LRRC7: variants seen among roughly 807,000 people sequenced by gnomAD.
The protein encoded by LRRC7 is leucine rich repeat containing 7, also known as leucine-rich repeat-containing protein 7.
In LRRC7, 23 loss-of-function variants were observed where a neutral mutation model predicts 175.7. The ratio of observed to expected loss-of-function variants is 0.13; its 90% CI spans 0.09 to 0.19. The LOEUF (loss-of-function observed/expected upper bound fraction) is 0.19. Ranked by LOEUF, LRRC7 falls within the 10% of genes least tolerant of loss-of-function variation. The probability of loss-of-function intolerance (pLI) is 1.00; values close to 1 mark genes in which losing one functional copy is unlikely to be tolerated. For missense variants in LRRC7, 1,354 were observed against 1,904.7 expected (o/e 0.71, Z 5.38); for synonymous variants, 685 against 680.9 (o/e 1.01, Z -0.09).
At chr1:69,809,437 A>G (rs1352809414) in intron 4 of LRRC7, among the ~76,000 whole-genome samples, 4 of 152,204 alleles carry the variant, frequency 2.6e-5, no homozygotes, top group Non-Finnish European at 5.9e-5. Flanking sequence ...AGCCAGCATC[A>G]TCCTGATACC....
intron 1 of LRRC7, among the ~76,000 whole-genome samples, chr1:69,663,737 C>T (rs1297936961): frequency 4.8e-5 from 4 of 83,626 alleles, no homozygotes; most frequent in African/African-American, 2.0e-4. Flanking sequence ...TTTTTTGAGA[C>T]GGAGTCTCGC....
chr1:69,938,509 A>G (rs989978133), intron 8 of LRRC7, among the ~76,000 whole-genome samples: 4 of 152,202 alleles, frequency 2.6e-5, no homozygotes, highest in African/African-American at 9.6e-5. Flanking sequence ...TTCCTAGAAT[A>G]GAGATATTCT....
At position 69,645,360 on chromosome 1, in the gene LRRC7, G is replaced by A. The variant is rs533975117; in HGVS notation, c.3-33021G>A. ...ACTATAAAATACTTACTTATATGGT[G>A]GGCCTTCACCATATAGAGGCTCAGG... On this transcript the variant is annotated intron_variant, in intron 1 of 26. Coordinates refer to ENST00000651989, the MANE Select transcript of LRRC7 (RefSeq NM_001370785.2). Among the ~76,000 whole-genome samples the A allele has an allele frequency of 2.6e-4, 39 of 152,068 alleles. No homozygotes were observed. The East Asian group carries it at 5.0e-3, about 20-fold the overall frequency.
chr1:69,824,717 G>T (rs1191090547), intron 4 of LRRC7, among the ~76,000 whole-genome samples: 3 of 152,196 alleles, frequency 2.0e-5, no homozygotes, highest in Admixed American at 2.0e-4. Context: ...TTTGTTTCTT[G>T]AGTATCCATC....
intron 7 of LRRC7, among the ~76,000 whole-genome samples, chr1:69,899,034 C>A: frequency 6.6e-6 from 1 of 152,122 alleles, no homozygotes; most frequent in Non-Finnish European, 1.5e-5. Context: ...TGGGATTGGG[C>A]ATTCTCTGAA....
intron 7 of LRRC7, among the ~76,000 whole-genome samples, chr1:69,841,116 G>A (rs984513543): frequency 6.6e-6 from 1 of 152,032 alleles, no homozygotes; most frequent in African/African-American, 2.4e-5. Context: ...GCTTGAATGG[G>A]CTAGGGTTTG....
chr1:69,955,694 A>T (rs1650418404), intron 8 of LRRC7, among the ~76,000 whole-genome samples: 1 of 152,036 alleles, frequency 6.6e-6, no homozygotes, highest in Admixed American at 6.6e-5. Context: ...CTCAAAACTC[A>T]TTGCTCATCT....
intron 7 of LRRC7, among the ~76,000 whole-genome samples, chr1:69,901,933 A>T (rs1026614207): frequency 6.6e-6 from 1 of 152,110 alleles, no homozygotes; most frequent in Non-Finnish European, 1.5e-5. Context: ...TAGTACTCTG[A>T]CTTCTGGGTA....
At chr1:70,074,417 T>C (rs755998072) in intron 23 of LRRC7, among the ~76,000 whole-genome samples, 1 of 152,178 alleles carries the variant, frequency 6.6e-6, no homozygotes, top group Non-Finnish European at 1.5e-5. Context: ...GGCTGCAATA[T>C]CTTCTTTCAT....
intron 8 of LRRC7, among the ~76,000 whole-genome samples, chr1:69,952,219 C>T (rs1267141909): frequency 1.3e-5 from 2 of 152,064 alleles, no homozygotes; most frequent in Non-Finnish European, 2.9e-5. Flanking sequence ...TCTAATTTAA[C>T]TTCCACAAAA....
chr1:69,800,979 CTATT>C (rs1270845974), intron 4 of LRRC7, among the ~76,000 whole-genome samples: 1 of 151,698 alleles, frequency 6.6e-6, no homozygotes, highest in African/African-American at 2.4e-5. Context: ...TTTTCTCTAT[CTATT>C]GAGATGATCA....
At chr1:69,799,430 A>C (rs755923801) in intron 4 of LRRC7, among the ~76,000 whole-genome samples, 1 of 152,054 alleles carries the variant, frequency 6.6e-6, no homozygotes, top group Non-Finnish European at 1.5e-5. Context: ...CACACTGTTT[A>C]GCTTCTGCTT....
chr1:69,925,709 G>A (rs914153521), intron 7 of LRRC7, among the ~76,000 whole-genome samples: 1 of 151,934 alleles, frequency 6.6e-6, no homozygotes, highest in African/African-American at 2.4e-5. Flanking sequence ...TATTAGTCTT[G>A]CTAGCGGTCT....
At chr1:69,671,971 T>C (rs919306432) in intron 1 of LRRC7, among the ~76,000 whole-genome samples, 2 of 152,128 alleles carry the variant, frequency 1.3e-5, no homozygotes, top group Admixed American at 1.3e-4. Context: ...GCACTGTGAG[T>C]GTTCACCTGG....
intron 7 of LRRC7, among the ~76,000 whole-genome samples, chr1:69,915,537 G>C (rs1216362741): frequency 6.6e-6 from 1 of 152,074 alleles, no homozygotes; most frequent in African/African-American, 2.4e-5. Context: ...ACATAAACAG[G>C]AAGTAGTTTA....
intron 7 of LRRC7, among the ~76,000 whole-genome samples, chr1:69,872,896 CTA>C (rs1342549854): frequency 2.0e-5 from 3 of 152,084 alleles, no homozygotes; most frequent in Admixed American, 6.6e-5. Flanking sequence ...TTTTCAAACA[CTA>C]TGGAGATTAA....
intron 1 of LRRC7, among the ~76,000 whole-genome samples, chr1:69,630,637 A>T (rs1469298880): frequency 6.6e-6 from 1 of 152,112 alleles, no homozygotes; most frequent in Non-Finnish European, 1.5e-5. Flanking sequence ...ATTGATTAAT[A>T]ATATTGGGCA....
intron 7 of LRRC7, among the ~76,000 whole-genome samples, chr1:69,866,828 T>C (rs1684994174): frequency 6.6e-6 from 1 of 152,202 alleles, no homozygotes; most frequent in African/African-American, 2.4e-5. Flanking sequence ...TGTGTACCTC[T>C]ATTTATCACT....
chr1:69,850,621 T>C (rs1367367107), intron 7 of LRRC7, among the ~76,000 whole-genome samples: 1 of 152,034 alleles, frequency 6.6e-6, no homozygotes, highest in Non-Finnish European at 1.5e-5. Context: ...ATTTTGGAAG[T>C]AGGTCCTTGC....
Sources: gnomAD v4.1 joint callset for allele counts (sites outside exome capture counted in the v4.1 genomes callset) on GRCh38, gnomAD v4.1.1 for gene constraint, MANE v1.5 for transcripts, NCBI Gene and HGNC (gene_info 2026-07-23, HGNC 2026-07-21) for gene names.